MTUS2: variants seen among roughly 807,000 people sequenced by gnomAD.
The protein encoded by MTUS2 is microtubule-associated tumor suppressor candidate 2.
A neutral mutation model predicts 114.1 loss-of-function variants in MTUS2; 40 were observed. The observed-to-expected ratio is 0.35, with a 90% CI of 0.27 to 0.46. The LOEUF is 0.46. MTUS2 is among the 20% of genes least tolerant of loss of function. The probability of loss-of-function intolerance (pLI) is 1.00; values close to 1 mark genes in which losing one functional copy is unlikely to be tolerated. For synonymous variants in MTUS2, 688 were observed against 672.0 expected (o/e 1.02, Z -0.37); for missense variants, 1,679 against 1,705.4 (o/e 0.98, Z 0.27).
At chr13:28,895,653 C>G (rs1593279059) in intron 2 of MTUS2, among the ~76,000 whole-genome samples, 1 of 152,108 alleles carries the variant, frequency 6.6e-6, no homozygotes, top group East Asian at 1.9e-4. Flanking sequence ...GTATTAAGTT[C>G]TTGGGAAATC....
chr13:29,171,873 T>C (rs758376006), intron 5 of MTUS2, among the ~76,000 whole-genome samples: 18 of 152,288 alleles, frequency 1.2e-4, no homozygotes, highest in Non-Finnish European at 1.9e-4. Flanking sequence ...GAAGAGCTAG[T>C]TCCTTTTTCA....
chr13:29,105,309 G>A (rs76004790), intron 5 of MTUS2, among the ~76,000 whole-genome samples: 4,960 of 152,220 alleles, frequency 0.033, 122 homozygotes, highest in Middle Eastern at 0.082. Flanking sequence ...AAATCTTTAG[G>A]AACATGTGCG....
intron 5 of MTUS2, among the ~76,000 whole-genome samples, chr13:29,276,771 G>A (rs1435998896): frequency 4.6e-5 from 7 of 152,054 alleles, no homozygotes; most frequent in East Asian, 1.9e-4. Context: ...GGTGGTGGGC[G>A]CCTGTAGTCC....
chr13:29,403,566 C>T (rs1874513179), intron 8 of MTUS2, among the ~76,000 whole-genome samples: 1 of 152,258 alleles, frequency 6.6e-6, no homozygotes, highest in Admixed American at 6.5e-5. Flanking sequence ...ATGTGAGTGG[C>T]CCTCGTCCAA....
chr13:28,882,191 C>T (rs1231339225), intron 2 of MTUS2, among the ~76,000 whole-genome samples: 1 of 151,992 alleles, frequency 6.6e-6, no homozygotes, highest in Non-Finnish European at 1.5e-5. Context: ...TCCTGAGTAG[C>T]TGGGATTACA....
chr13:29,264,240 AGGG>A lies in MTUS2; in HGVS notation c.2645-17463_2645-17461del, dbSNP rs1897584912. On this transcript the variant is annotated intron_variant, in intron 5 of 15. Transcript: ENST00000612955. ...TCCTTTGACTCCATGTCCCACATCC[AGGG>A]CACACTAGTGCATGGGGTGAGCTCC... 5.3e-5 allele frequency among the ~76,000 whole-genome samples: 8 copies of A among 152,368 alleles called. No individual in the cohort carries two copies. The South Asian group carries it at 1.7e-3, about 32-fold the overall frequency.
chr13:28,989,300 A>C (rs544752735), intron 2 of MTUS2, among the ~76,000 whole-genome samples: 9 of 152,198 alleles, frequency 5.9e-5, no homozygotes, highest in Non-Finnish European at 1.2e-4. Flanking sequence ...CCAAGACCCA[A>C]CCAGTGAAAG....
chr13:29,004,664 T>C (rs73164546), intron 2 of MTUS2, among the ~76,000 whole-genome samples: 8,936 of 152,234 alleles, frequency 0.059, 379 homozygotes, highest in Middle Eastern at 0.11. Context: ...GCCAGAAAAA[T>C]AGTTTGCTAG....
chr13:29,038,235 G>A (rs988296760), intron 4 of MTUS2, among the ~76,000 whole-genome samples: 1 of 152,162 alleles, frequency 6.6e-6, no homozygotes, highest in Non-Finnish European at 1.5e-5. Context: ...TTGCATGGGC[G>A]TCCTTTTTGT....
Position 29,273,743 on chromosome 13 carries a change from C to G in MTUS2, c.2645-7961C>G, listed in dbSNP as rs1031510493. Among the ~76,000 whole-genome samples the G allele has an allele frequency of 3.9e-4, 60 of 152,314 alleles. 1 individual carries two copies. Among genetic ancestry groups the G allele is most frequent in the African/African-American group, 1.4e-3 (57 of 41,556 alleles). On this transcript the variant is annotated intron_variant, in intron 5 of 15. Transcript: ENST00000612955. ...CCCCTGAAAGCCACTCATCAACTTT[C>G]TGTCTCTCTGTCTATTCTGGACATT...
chr13:29,389,529 GTATACACGTGTGTATA>G, intron 8 of MTUS2, among the ~76,000 whole-genome samples: 2 of 26,464 alleles, frequency 7.6e-5, no homozygotes, highest in African/African-American at 1.3e-4. Context: ...GTGTATATAT[GTATACACGTGTGTATA>G]TGTATACACG....
intron 5 of MTUS2, among the ~76,000 whole-genome samples, chr13:29,157,777 GAT>G (rs943297388): frequency 6.6e-6 from 1 of 151,560 alleles, no homozygotes; most frequent in African/African-American, 2.4e-5. Flanking sequence ...CCTAGGTTAG[GAT>G]ATATATATAT....
intron 2 of MTUS2, among the ~76,000 whole-genome samples, chr13:28,877,491 A>G (rs1878017951): frequency 6.6e-6 from 1 of 152,206 alleles, no homozygotes; most frequent in Non-Finnish European, 1.5e-5. Context: ...AAGAAAGGAA[A>G]TCTGATTCAT....
Position 29,317,432 on chromosome 13 carries a change from C to CTTTTTTTTTTTTTT in MTUS2, c.2807-7177_2807-7164dup. 4.1e-4 allele frequency among the ~76,000 whole-genome samples: 21 copies of CTTTTTTTTTTTTTT among 51,670 alleles called. 2 individuals are homozygous for CTTTTTTTTTTTTTT. Among genetic ancestry groups the CTTTTTTTTTTTTTT allele is most frequent in the Middle Eastern group, 9.6e-3 (1 of 104 alleles). The allele number at this position is 51,670 out of a possible 152,430, so 33.9% of individuals were successfully genotyped here. On this transcript the variant is annotated intron_variant, in intron 6 of 15. Coordinates refer to ENST00000612955, the MANE Select transcript of MTUS2 (RefSeq NM_001033602.4). ...GCTTGTGCGCGCGCTCTCTCTCTCT[C>CTTTTTTTTTTTTTT]TTTTTTTTTTTTTTTTTGAGACGGA... is the stretch of plus-strand genomic sequence containing the variant.
chr13:28,883,376 A>G (rs1338017742), intron 2 of MTUS2, among the ~76,000 whole-genome samples: 2 of 152,230 alleles, frequency 1.3e-5, no homozygotes, highest in Admixed American at 1.3e-4. Flanking sequence ...TTTATTCAGA[A>G]TAGAAAAATA....
rs1173314385 is a variant in MTUS2 at position 29,389,651 on chromosome 13, A to G, written c.3117+30178A>G. 5.1e-5 allele frequency among the ~76,000 whole-genome samples: 7 copies of G among 136,894 alleles called. 1 individual carries two copies. Among genetic ancestry groups the G allele is most frequent in the Non-Finnish European group, 9.0e-5 (6 of 66,644 alleles). The allele number at this position is 136,894 out of a possible 152,430, so 89.8% of individuals were successfully genotyped here. A position where few individuals can be genotyped will look rare whatever the true frequency, so the allele number is the denominator to read the frequency against. ...TGTATACACATATGTGTATGTATAT[A>G]CGTATATATGTATATGTATATATAC... On this transcript the variant is annotated intron_variant, in intron 8 of 15. Coordinates refer to ENST00000612955, the MANE Select transcript of MTUS2 (RefSeq NM_001033602.4).
intron 2 of MTUS2, among the ~76,000 whole-genome samples, chr13:28,890,016 A>G (rs1213426066): frequency 2.6e-5 from 4 of 152,194 alleles, no homozygotes; most frequent in African/African-American, 7.2e-5. Flanking sequence ...GCATAGCAAG[A>G]AAGTTTCTAT....
intron 5 of MTUS2, among the ~76,000 whole-genome samples, chr13:29,234,312 G>T (rs190747748): frequency 6.6e-6 from 1 of 152,012 alleles, no homozygotes; most frequent in Admixed American, 6.6e-5. Context: ...GGATTCCACC[G>T]AAGACTCCTC....
At chr13:28,869,952 G>A (rs547032098) in intron 2 of MTUS2, among the ~76,000 whole-genome samples, 1 of 152,122 alleles carries the variant, frequency 6.6e-6, no homozygotes, top group East Asian at 1.9e-4. Context: ...TGAATGTTAT[G>A]TATAAAATTC....
Sources: gnomAD v4.1 joint callset for allele counts (sites outside exome capture counted in the v4.1 genomes callset) on GRCh38, gnomAD v4.1.1 for gene constraint, MANE v1.5 for transcripts, NCBI Gene and HGNC (gene_info 2026-07-23, HGNC 2026-07-21) for gene names.